The following RAB18 variants were observed in gnomAD, a reference collection of about 807,000 sequenced individuals.
RAB18 encodes the protein ras-related protein Rab-18.
RAB18 carries 10 observed loss-of-function variants against 28.5 expected under a neutral mutation model. The ratio of observed to expected loss-of-function variants is 0.35; its 90% CI spans 0.22 to 0.60. The LOEUF (loss-of-function observed/expected upper bound fraction) is 0.60, where lower values mean the gene tolerates loss of function less well. Ranked by LOEUF, RAB18 falls within the 20% of genes least tolerant of loss-of-function variation. The probability of loss-of-function intolerance (pLI) is 0.78; values close to 1 mark genes in which losing one functional copy is unlikely to be tolerated. For missense variants in RAB18, 188 were observed against 244.2 expected (o/e 0.77, Z 1.53); for synonymous variants, 93 against 86.9 (o/e 1.07, Z -0.39).
At chr10:27,524,084 AAAAAAT>A (rs1834625050) in intron 2 of RAB18, among the ~76,000 whole-genome samples, 1 of 152,042 alleles carries the variant, frequency 6.6e-6, no homozygotes, top group Admixed American at 6.5e-5. Flanking sequence ...CGTCTCAAAA[AAAAAAT>A]AAAAATAAAA....
At chr10:27,529,183 T>C (rs1834739323) in intron 3 of RAB18, among the ~76,000 whole-genome samples, 2 of 151,976 alleles carry the variant, frequency 1.3e-5, no homozygotes, top group African/African-American at 4.8e-5. Context: ...CAGATTTTTT[T>C]TTCCAGTTTG....
At chr10:27,504,787 C>T (rs1371862740) in intron 1 of RAB18, 1 of 535,684 alleles carries the variant, frequency 1.9e-6, no homozygotes, top group Non-Finnish European at 3.7e-6. Flanking sequence ...CCGGGGGCGC[C>T]TTGCCTCGAA....
Position 27,531,591 on chromosome 10 carries a change from C to A in RAB18, c.187-916C>A, listed in dbSNP as rs922246907. Reference sequence around the variant, plus strand: ...AGAGCCAGATAGGAAATAGTCCAATCCTGAAGTGGGCCATGTGGCAATACG... The same window carrying A: ...AGAGCCAGATAGGAAATAGTCCAATACTGAAGTGGGCCATGTGGCAATACG... On this transcript the variant is annotated intron_variant, in intron 3 of 6. Coordinates refer to ENST00000356940, the MANE Select transcript of RAB18 (RefSeq NM_021252.5). 1.2e-5 allele frequency: 13 copies of A among 1,120,536 alleles called. No individual in the cohort carries two copies. The African/African-American group carries it at 1.6e-4, about 13-fold the overall frequency. The allele number at this position is 1,120,536 out of a possible 1,614,324, so 69.4% of individuals were successfully genotyped here.
intron 6 of RAB18, among the ~76,000 whole-genome samples, chr10:27,534,601 A>C (rs751572517): frequency 6.6e-6 from 1 of 152,210 alleles, no homozygotes; most frequent in Non-Finnish European, 1.5e-5. Flanking sequence ...AATATTTTCT[A>C]TCTGGCCCTT....
intron 2 of RAB18, chr10:27,510,544 G>A: frequency 6.4e-6 from 1 of 156,258 alleles, no homozygotes; most frequent in Admixed American, 6.2e-5. Context: ...TTGGTATCAT[G>A]TGTTTAGACT....
chr10:27,514,035 A>G (rs1413386337), intron 2 of RAB18: 2 of 152,228 alleles, frequency 1.3e-5, no homozygotes, highest in Admixed American at 6.5e-5. Context: ...TGAGAAGTAA[A>G]ATGCTAAACT....
intron 1 of RAB18, among the ~76,000 whole-genome samples, chr10:27,508,972 T>A (rs1223716235): frequency 6.6e-6 from 1 of 152,214 alleles, no homozygotes; most frequent in Non-Finnish European, 1.5e-5. Context: ...AATCAAGGGC[T>A]TTAACAAAAG....
At chr10:27,523,969 C>T (rs995422376) in intron 2 of RAB18, among the ~76,000 whole-genome samples, 2 of 151,754 alleles carry the variant, frequency 1.3e-5, no homozygotes, top group Non-Finnish European at 2.9e-5. Context: ...GTCCCAGCAG[C>T]TTGGGAGGCT....
chr10:27,533,161 C>T (rs951745115), intron 4 of RAB18, among the ~76,000 whole-genome samples: 3 of 151,732 alleles, frequency 2.0e-5, no homozygotes, highest in African/African-American at 7.3e-5. Flanking sequence ...GTAGTGACAG[C>T]CTTTTGGTTC....
intron 6 of RAB18, 29 bp from the exon 7 acceptor site, chr10:27,537,847 T>C: frequency 6.3e-7 from 1 of 1,584,682 alleles, no homozygotes; most frequent in Non-Finnish European, 8.7e-7. Context: ...AGGAATATAC[T>C]ATGAATGACC....
intron 2 of RAB18, among the ~76,000 whole-genome samples, chr10:27,513,730 A>G (rs1834374210): frequency 6.6e-6 from 1 of 152,186 alleles, no homozygotes; most frequent in African/African-American, 2.4e-5. Context: ...AGTAGGTAGG[A>G]TGCCGTGGCT....
intron 2 of RAB18, among the ~76,000 whole-genome samples, chr10:27,519,545 A>C (rs549377074): frequency 1.3e-5 from 2 of 152,262 alleles, no homozygotes; most frequent in Admixed American, 6.5e-5. Flanking sequence ...GTAATGAATA[A>C]AAGGAAGATG....
At chr10:27,526,744 C>T in intron 2 of RAB18, 84 bp from the exon 3 acceptor site, 1 of 1,570,612 alleles carries the variant, frequency 6.4e-7, no homozygotes, top group Non-Finnish European at 8.7e-7. Flanking sequence ...ATAATAGTGA[C>T]TTTTCTGTTT....
intron 2 of RAB18, among the ~76,000 whole-genome samples, chr10:27,516,294 G>A (rs1834436080): frequency 1.3e-5 from 2 of 152,026 alleles, no homozygotes; most frequent in Non-Finnish European, 2.9e-5. Context: ...AGTGGCTCAC[G>A]CCTGTAGTCT....
At chr10:27,523,993 G>C (rs11015845) in intron 2 of RAB18, among the ~76,000 whole-genome samples, 64,520 of 151,516 alleles carry the variant, frequency 0.43, 14,402 homozygotes, top group Non-Finnish European at 0.5. Context: ...GCAGCAGAAT[G>C]GCATGAACCT....
At chr10:27,521,000 G>A (rs1045673378) in intron 2 of RAB18, among the ~76,000 whole-genome samples, 1 of 116,102 alleles carries the variant, frequency 8.6e-6, no homozygotes, top group Admixed American at 8.7e-5. Flanking sequence ...TTAATATATT[G>A]TATTTTTATT....
chr10:27,509,996 T>C (rs1016618002), intron 2 of RAB18, 66 bp downstream of exon 2: 6 of 1,255,018 alleles, frequency 4.8e-6, no homozygotes, highest in Non-Finnish European at 7.0e-6. Context: ...CTTTTTAATC[T>C]AAATCCTTCT....
At chr10:27,520,815 G>T (rs1193186957) in intron 2 of RAB18, among the ~76,000 whole-genome samples, 1 of 148,254 alleles carries the variant, frequency 6.7e-6, no homozygotes, top group Non-Finnish European at 1.5e-5. Flanking sequence ...TACTAGGGAG[G>T]CTGGGATGAG....
rs1452922200 is a variant in RAB18, at chr10:27,540,023, A to G, written c.*1972A>G. 5 of 453,914 alleles carry G rather than the reference A, an allele frequency of 1.1e-5. No individual in the cohort carries two copies. Among genetic ancestry groups the G allele is most frequent in the Non-Finnish European group, 2.2e-5 (5 of 226,746 alleles). The allele number at this position is 453,914 out of a possible 1,614,324, so 28.1% of individuals were successfully genotyped here. A position where few individuals can be genotyped will look rare whatever the true frequency, so the allele number is the denominator to read the frequency against. The stretch of plus-strand genomic sequence containing the variant: ...GGCACCTAGTAACAGGGTTTTGTTA[A>G]TTCTTTTCAGAATCATTGAAGCAGT... On this transcript the variant is annotated 3_prime_UTR_variant, in exon 7 of 7. Coordinates refer to ENST00000356940, the MANE Select transcript of RAB18 (RefSeq NM_021252.5).
Sources: gnomAD v4.1 joint callset for allele counts (sites outside exome capture counted in the v4.1 genomes callset) on GRCh38, gnomAD v4.1.1 for gene constraint, MANE v1.5 for transcripts, NCBI Gene and HGNC (gene_info 2026-07-23, HGNC 2026-07-21) for gene names.